CCDC7: variants seen among roughly 807,000 people sequenced by gnomAD.
CCDC7 encodes coiled-coil domain-containing protein 7.
In CCDC7, 183 loss-of-function variants were observed where a neutral mutation model predicts 196.9. That is an observed-to-expected ratio of 0.93 (90% confidence interval 0.82 to 1.05). CCDC7 has a LOEUF of 1.05. Among genes scored for constraint, CCDC7 ranks in the 50% least tolerant of loss-of-function variants. CCDC7 has a pLI of 0.00. For synonymous variants in CCDC7, 525 were observed against 484.6 expected (o/e 1.08, Z -1.10); for missense variants, 1,540 against 1,482.2 (o/e 1.04, Z -0.64).
intron 29 of CCDC7, among the ~76,000 whole-genome samples, chr10:32,798,509 C>T (rs544116864): frequency 1.3e-5 from 2 of 152,346 alleles, no homozygotes; most frequent in Admixed American, 1.3e-4. Context: ...GCTGAGGTCA[C>T]CCGTTGGTGA....
chr10:32,712,117 G>A (rs1565250508), intron 25 of CCDC7, among the ~76,000 whole-genome samples: 2 of 152,228 alleles, frequency 1.3e-5, no homozygotes, highest in East Asian at 3.9e-4. Flanking sequence ...AATCAGAGAG[G>A]TACAAGGGCA....
At chr10:32,689,815 A>C (rs1424828902) in intron 23 of CCDC7, among the ~76,000 whole-genome samples, 1 of 151,780 alleles carries the variant, frequency 6.6e-6, no homozygotes, top group Admixed American at 6.6e-5. Flanking sequence ...GCTCACTGCA[A>C]CCTCCGCCTC....
chr10:32,729,052 T>C (rs1014618595), intron 27 of CCDC7, 55 bp downstream of exon 28: 6 of 1,233,912 alleles, frequency 4.9e-6, no homozygotes, highest in Non-Finnish European at 5.7e-6. Flanking sequence ...ACTCATCAGA[T>C]CTTTTCCTTT....
intron 24 of CCDC7, among the ~76,000 whole-genome samples, chr10:32,706,472 A>T (rs2152162): frequency 0.14 from 21,859 of 152,110 alleles, 1,966 homozygotes; most frequent in African/African-American, 0.25. Flanking sequence ...CTAAGATCAG[A>T]GCAGAATTGA....
intron 24 of CCDC7, among the ~76,000 whole-genome samples, chr10:32,697,088 T>A (rs1363657576): frequency 1.3e-5 from 2 of 152,152 alleles, no homozygotes; most frequent in African/African-American, 4.8e-5. Flanking sequence ...TACACCATAA[T>A]GTAGAATGAG....
At chr10:32,713,899 A>G (rs552454800) in intron 25 of CCDC7, among the ~76,000 whole-genome samples, 22 of 152,314 alleles carry the variant, frequency 1.4e-4, no homozygotes, top group African/African-American at 5.3e-4. Flanking sequence ...TGACCTTAGG[A>G]GGAGGTTTGA....
intron 13 of CCDC7, among the ~76,000 whole-genome samples, chr10:32,555,295 G>A (rs1393667414): frequency 6.6e-6 from 1 of 150,692 alleles, no homozygotes; most frequent in Non-Finnish European, 1.5e-5. Flanking sequence ...GGCCAGGCCA[G>A]AGTGCAATGG....
At chr10:32,508,393 A>G (rs2045539728) in intron 9 of CCDC7, among the ~76,000 whole-genome samples, 1 of 152,230 alleles carries the variant, frequency 6.6e-6, no homozygotes, top group South Asian at 2.1e-4. Context: ...ATTGAAGAAG[A>G]CACAAAGAAA....
intron 9 of CCDC7, among the ~76,000 whole-genome samples, chr10:32,507,434 A>C (rs1026616726): frequency 6.6e-6 from 1 of 151,980 alleles, no homozygotes; most frequent in African/African-American, 2.4e-5. Context: ...GTAATTATTT[A>C]TATGTAAGGA....
At chr10:32,804,843 C>T (rs1404231513) in intron 29 of CCDC7, among the ~76,000 whole-genome samples, 172 bp from the exon 31 acceptor site, 1 of 152,018 alleles carries the variant, frequency 6.6e-6, no homozygotes, top group Non-Finnish European at 1.5e-5. Context: ...TGCTAACAGA[C>T]CTTCCACTCC....
Position 32,761,245 on chromosome 10 carries a change from T to C in CCDC7, c.2906-17732T>C, listed in dbSNP as rs551356879. On this transcript the variant is annotated intron_variant, in intron 28 of 41. Coordinates refer to ENST00000639629, the Ensembl canonical transcript of CCDC7. ...GGCACCCAGCAGTTACCACATACCT[T>C]GTTTCTTTTGTTCTTTTCACCTATA... Among the ~76,000 whole-genome samples the C allele has an allele frequency of 2.0e-5, 3 of 152,092 alleles. No homozygotes were observed. In the South Asian group the frequency reaches 6.2e-4, roughly 32 times the overall value.
chr10:32,584,787 G>A (rs1456517646), intron 18 of CCDC7, among the ~76,000 whole-genome samples: 1 of 145,004 alleles, frequency 6.9e-6, no homozygotes, highest in Non-Finnish European at 1.5e-5. Flanking sequence ...AGATTGGTGA[G>A]TTATCATTAT....
intron 3 of CCDC7, among the ~76,000 whole-genome samples, chr10:32,457,969 C>A (rs1467622456): frequency 6.0e-5 from 9 of 151,248 alleles, no homozygotes; most frequent in African/African-American, 1.7e-4. Context: ...TTTTTTCATT[C>A]TGAAGATTGT....
At chr10:32,647,742 C>T (rs963848288) in intron 20 of CCDC7, among the ~76,000 whole-genome samples, 1 of 152,098 alleles carries the variant, frequency 6.6e-6, no homozygotes, top group Admixed American at 6.5e-5. Context: ...TTGTTGGAGA[C>T]ATAGTTCATG....
intron 21 of CCDC7, among the ~76,000 whole-genome samples, chr10:32,675,137 A>T (rs994468036): frequency 6.6e-6 from 1 of 151,980 alleles, no homozygotes; most frequent in Non-Finnish European, 1.5e-5. Context: ...TTGCAATTAT[A>T]TTGTTTTCTC....
intron 16 of CCDC7, among the ~76,000 whole-genome samples, chr10:32,579,114 G>C (rs1476605420): frequency 6.6e-6 from 1 of 152,182 alleles, no homozygotes; most frequent in Non-Finnish European, 1.5e-5. Flanking sequence ...ACATATGTGT[G>C]TCAGTAGTGG....
intron 29 of CCDC7, 97 bp from the exon 31 acceptor site, chr10:32,804,918 T>G (rs934968414): frequency 1.4e-6 from 1 of 709,824 alleles, no homozygotes; most frequent in African/African-American, 1.9e-5. Flanking sequence ...TAACAAAGGC[T>G]GATTAATTTA....
chr10:32,682,425 T>C (rs1207987023), intron 21 of CCDC7, among the ~76,000 whole-genome samples: 1 of 152,262 alleles, frequency 6.6e-6, no homozygotes, highest in East Asian at 1.9e-4. Context: ...AGGTTGATTC[T>C]GTCTTTGCTA....
chr10:32,817,591 G>C (rs1289704268), intron 31 of CCDC7, among the ~76,000 whole-genome samples: 1 of 152,214 alleles, frequency 6.6e-6, no homozygotes, highest in South Asian at 2.1e-4. Context: ...CAGAGAGAAA[G>C]GTCAGGTTAC....
Sources: gnomAD v4.1 joint callset for allele counts (sites outside exome capture counted in the v4.1 genomes callset) on GRCh38, gnomAD v4.1.1 for gene constraint, MANE v1.5 for transcripts, NCBI Gene and HGNC (gene_info 2026-07-23, HGNC 2026-07-21) for gene names.